The following VIL1 variants were observed in gnomAD, a reference collection of about 807,000 sequenced individuals.
VIL1 encodes the protein villin 1, also known as villin-1.
Under a neutral mutation model 104.0 loss-of-function variants are expected in VIL1, and 86 were observed. That is an observed-to-expected ratio of 0.83 (90% CI 0.69 to 0.99). The LOEUF is 0.99. Ranked by LOEUF, VIL1 falls within the 50% of genes least tolerant of loss-of-function variation. The pLI is 0.00. For synonymous variants in VIL1, 394 were observed against 412.6 expected, an observed-to-expected ratio of 0.95 and a Z score of 0.55; for missense variants, 944 against 1,054.1, an observed-to-expected ratio of 0.90 and a Z score of 1.45.
At position 218,450,921 on chromosome 2, in the gene VIL1, T is replaced by G. The variant is rs1293583204; in HGVS notation, c.*1585T>G. On this transcript the variant is annotated 3_prime_UTR_variant, in exon 20 of 20. Transcript: ENST00000248444. ...GCACACATGGAGACAACTTACTAAT[T>G]GTGTGTAAGTATGATACAATGAATG... is the stretch of plus-strand genomic sequence containing the variant. 6.6e-6 allele frequency: 1 copy of G among 152,168 alleles called. No individual in the cohort carries two copies. Among genetic ancestry groups the G allele is most frequent in the African/African-American group, 2.4e-5 (1 of 41,430 alleles). The allele number at this position is 152,168 out of a possible 1,614,324, so 9.4% of individuals were successfully genotyped here.
chr2:218,428,153 A>G, intron 5 of VIL1, 74 bp from the exon 6 acceptor site: 1 of 1,579,250 alleles, frequency 6.3e-7, no homozygotes, highest in South Asian at 1.1e-5. Flanking sequence ...GGTGAGGGGC[A>G]GGGAGGGATG....
At position 218,432,919 on chromosome 2, in the gene VIL1, T is replaced by TC. The variant is rs1689125265; in HGVS notation, c.1470dup (p.Ile491HisfsTer17). ...GGGCAAGGAGCCACCTCATCTTATG[T>TC]CCATCTTCAAGGGACGCATGGTGGT... On this transcript the variant is annotated frameshift_variant, in exon 13 of 20. Transcript: ENST00000248444. LOFTEE classifies it high-confidence loss of function. The TC allele has an allele frequency of 6.2e-7, 1 of 1,614,080 alleles. No homozygotes were observed. Among genetic ancestry groups the TC allele is most frequent in the African/African-American group, 1.3e-5 (1 of 74,932 alleles).
intron 2 of VIL1, 118 bp from the exon 3 acceptor site, chr2:218,424,159 C>A: frequency 1.2e-6 from 1 of 859,062 alleles, no homozygotes; most frequent in Non-Finnish European, 1.9e-6. Flanking sequence ...CCTTTTCTCT[C>A]CTTTCATTCC....
At chr2:218,423,263 C>G (rs1688925736) in intron 1 of VIL1, among the ~76,000 whole-genome samples, 1 of 152,168 alleles carries the variant, frequency 6.6e-6, no homozygotes, top group Non-Finnish European at 1.5e-5. Context: ...GGCGTGGTGG[C>G]TCACGCCTGT....
intron 1 of VIL1, among the ~76,000 whole-genome samples, chr2:218,422,417 G>A (rs1248548492): frequency 2.6e-5 from 4 of 152,156 alleles, no homozygotes; most frequent in Non-Finnish European, 5.9e-5. Context: ...AATACCTGAT[G>A]GAGGAGACCA....
At chr2:218,448,189 G>A (rs1165418457) in intron 19 of VIL1, among the ~76,000 whole-genome samples, 1 of 152,114 alleles carries the variant, frequency 6.6e-6, no homozygotes, top group Non-Finnish European at 1.5e-5. Context: ...GAGTCCAGGA[G>A]GTTGAGGCTG....
chr2:218,441,724 A>T (rs1689288063), intron 19 of VIL1, among the ~76,000 whole-genome samples: 1 of 152,158 alleles, frequency 6.6e-6, no homozygotes, highest in Non-Finnish European at 1.5e-5. Context: ...ACGGTGGCTC[A>T]TGCCTGTAAT....
intron 3 of VIL1, 81 bp from the exon 4 acceptor site, chr2:218,425,534 G>T: frequency 1.4e-6 from 2 of 1,457,520 alleles, no homozygotes; most frequent in Non-Finnish European, 1.9e-6. Context: ...GTCCTGGACG[G>T]CACGTGTGTG....
intron 16 of VIL1, among the ~76,000 whole-genome samples, chr2:218,436,839 A>G (rs1391519972): frequency 1.3e-5 from 2 of 152,220 alleles, no homozygotes; most frequent in African/African-American, 4.8e-5. Flanking sequence ...TTCTCTCCCA[A>G]AGTCCTATTT....
At position 218,424,155 on chromosome 2, in the gene VIL1, C is replaced by T. The variant is rs1334904001; in HGVS notation, c.76-122C>T. ...AGTTTTCTTCTCCTCTCTTCCTTTT[C>T]TCTCCTTTCATTCCTGGGCCCGGCT... On this transcript the variant is annotated intron_variant, in intron 2 of 19. Coordinates refer to ENST00000248444, the MANE Select transcript of VIL1 (RefSeq NM_007127.3). 4 of 826,916 alleles carry T rather than the reference C, an allele frequency of 4.8e-6. No homozygotes were observed. The African/African-American group carries it at 5.1e-5, about 11-fold the overall frequency. 51.2% of individuals were successfully genotyped at this position (826,916 alleles called of 1,614,324 possible).
intron 19 of VIL1, among the ~76,000 whole-genome samples, chr2:218,445,153 A>T (rs1373138240): frequency 2.6e-5 from 4 of 152,176 alleles, no homozygotes; most frequent in African/African-American, 9.7e-5. Flanking sequence ...AATCCCAGGC[A>T]CTTTGGGAGG....
In VIL1 at chr2:218,449,494, T is replaced by C. The variant is rs888495895; in HGVS notation, c.*158T>C. ...TGCCAGTTTTGTTTAATAATGTACC[T>C]ATTCCTTCAGAAAGATGATACCCCA... On this transcript the variant is annotated 3_prime_UTR_variant, in exon 20 of 20. Transcript: ENST00000248444. 4 of 577,548 alleles carry C rather than the reference T, an allele frequency of 6.9e-6. No individual in the cohort carries two copies. The highest frequency in any genetic ancestry group is 5.6e-5 in the African/African-American group (3 of 53,406). The allele number at this position is 577,548 out of a possible 1,614,324, so 35.8% of individuals were successfully genotyped here. A position where few individuals can be genotyped will look rare whatever the true frequency, so the allele number is the denominator to read the frequency against.
chr2:218,424,892 T>A (rs1401777462), intron 3 of VIL1, among the ~76,000 whole-genome samples: 2 of 152,166 alleles, frequency 1.3e-5, no homozygotes, highest in Admixed American at 1.3e-4. Flanking sequence ...ACTCTTGACC[T>A]CAGGTGATCC....
rs553954224 is a variant in VIL1, at chr2:218,452,063, T to C, written c.*2727T>C. ...TTAACAGCATCCAGCCACATGCAAC[T>C]TTCCAACCTTCAGTACTATTAGGTG... On this transcript the variant is annotated 3_prime_UTR_variant, in exon 20 of 20. Coordinates refer to ENST00000248444, the MANE Select transcript of VIL1 (RefSeq NM_007127.3). 544 of 152,742 alleles carry C rather than the reference T, an allele frequency of 3.6e-3. 2 individuals carry two copies. Among genetic ancestry groups the C allele is most frequent in the Non-Finnish European group, 6.0e-3 (406 of 68,030 alleles). The allele number at this position is 152,742 out of a possible 1,614,324, so 9.5% of individuals were successfully genotyped here. A position where few individuals can be genotyped will look rare whatever the true frequency, so the allele number is the denominator to read the frequency against.
rs568524848 is a variant in VIL1 at position 218,424,383 on chromosome 2, G to A, written c.150+32G>A. The A allele has an allele frequency of 3.5e-5, 56 of 1,608,828 alleles. No homozygotes were observed. The South Asian group carries it at 5.9e-4, about 17-fold the overall frequency. On this transcript the variant is annotated intron_variant, in intron 3 of 19. Coordinates refer to ENST00000248444, the MANE Select transcript of VIL1 (RefSeq NM_007127.3). The stretch of plus-strand genomic sequence containing the variant: ...CAGGGGCAGGGGAGGGGGCTGAGCA[G>A]AGAGCAAAACCCACTGTGGTGTCAG...
chr2:218,424,426 G>A, intron 3 of VIL1, 75 bp downstream of exon 3: 1 of 1,509,066 alleles, frequency 6.6e-7, no homozygotes, highest in Admixed American at 1.7e-5. Flanking sequence ...ACAGGCTGGG[G>A]GCCGTGGGGA....
intron 13 of VIL1, among the ~76,000 whole-genome samples, chr2:218,433,704 C>T (rs773875173): frequency 9.2e-5 from 14 of 152,014 alleles, no homozygotes; most frequent in South Asian, 6.2e-4. Flanking sequence ...GTCAGGAGTT[C>T]GAGAGCAGCC....
chr2:218,432,056 T>C lies in VIL1; in HGVS notation c.1214T>C (p.Ile405Thr). 1.9e-6 allele frequency: 3 copies of C among 1,614,024 alleles called. No homozygotes were observed. Among genetic ancestry groups the C allele is most frequent in the Non-Finnish European group, 2.5e-6 (3 of 1,179,980 alleles). The change falls in exon 12 of 20, where the codon ATT becomes ACT. Residue 405 changes from isoleucine to threonine, a missense_variant. Ile to Thr is a moderately conservative substitution (Grantham distance 89). Transcript: ENST00000248444. ...DGSGEVQVWR[I>T]ENLELVPVDS... ...TGATACTGGCCCTAGGTGTGGCGCA[T>C]TGAGAACCTAGAGCTGGTACCTGTG... is the stretch of plus-strand genomic sequence containing the variant.
rs773321327 is a variant in VIL1 at position 218,428,034 on chromosome 2, G to T, written c.417G>T (p.Leu139=). ...CCAACTCCTATGACGTCCAGAGGCT[G>T]CTGCATGTCAAGGGCAAGAGGAACG... ...VETNSYDVQR[L]LHVKGKRNVV... is the part of the protein sequence containing the mutation. The change falls in exon 5 of 20, where the codon CTG becomes CTT. Residue 139 remains leucine (L), a synonymous_variant. Coordinates refer to ENST00000248444, the MANE Select transcript of VIL1 (RefSeq NM_007127.3). 2 of 1,614,182 alleles carry T rather than the reference G, an allele frequency of 1.2e-6. No individual in the cohort carries two copies. The highest frequency in any genetic ancestry group is 2.2e-5 in the South Asian group (2 of 91,090).
Sources: gnomAD v4.1 joint callset for allele counts (sites outside exome capture counted in the v4.1 genomes callset) on GRCh38, gnomAD v4.1.1 for gene constraint, MANE v1.5 for transcripts, NCBI Gene and HGNC (gene_info 2026-07-23, HGNC 2026-07-21) for gene names.